GLYATL1B: variants seen among roughly 807,000 people sequenced by gnomAD.
The protein encoded by GLYATL1B is glycine-N-acyltransferase like 1B.
GLYATL1B carries 6 observed loss-of-function variants against 5.5 expected under a neutral mutation model. The ratio of observed to expected loss-of-function variants is 1.09; its 90% CI spans 0.60 to 2.15. GLYATL1B has a LOEUF of 2.15. Ranked by LOEUF, GLYATL1B falls within the 30% of genes most tolerant of loss-of-function variation. The pLI is 0.00. For missense variants in GLYATL1B, 135 were observed against 94.1 expected, an observed-to-expected ratio of 1.43 and a Z score of -1.80; for synonymous variants, 67 against 34.9, an observed-to-expected ratio of 1.92 and a Z score of -3.24.
intron 2 of GLYATL1B, among the ~76,000 whole-genome samples, chr11:59,093,277 T>C (rs2135383605): frequency 6.6e-6 from 1 of 152,340 alleles, no homozygotes; most frequent in East Asian, 1.9e-4. Context: ...ATCCTGTCTT[T>C]GTTATGTATC....
chr11:59,088,610 CA>C (rs1859241826), intron 2 of GLYATL1B, among the ~76,000 whole-genome samples: 1 of 152,200 alleles, frequency 6.6e-6, no homozygotes, highest in East Asian at 1.9e-4. Context: ...CTTTTTACTT[CA>C]GTAACTTTGT....
chr11:59,094,505 A>T lies in GLYATL1B; in HGVS notation c.628A>T (p.Met210Leu). 1.2e-6 allele frequency: 1 copy of T among 806,070 alleles called. No homozygotes were observed. The allele number at this position is 806,070 out of a possible 1,614,324, so 49.9% of individuals were successfully genotyped here. The stretch of plus-strand genomic sequence containing the variant: ...CCTAGGAGCCCTGCCAGCAGCCTGT[A>T]TGCTGGGCCCAGAGGGGGTCCCGGT... Reference protein sequence around the residue: ...RCLGALPAACMLGPEGVPVSW... With the variant: ...RCLGALPAACLLGPEGVPVSW... The change falls in exon 5 of 5, where the codon ATG (methionine) becomes TTG (leucine). Residue 210 changes from methionine (M) to leucine (L), a missense_variant. Physicochemically the swap from Met to Leu is conservative, Grantham distance 15. Coordinates refer to ENST00000527482, the MANE Select transcript of GLYATL1B (RefSeq NM_001355566.1).
In GLYATL1B at chr11:59,093,580, A is replaced by C; in HGVS notation, c.238A>C (p.Lys80Gln). 2.1e-6 allele frequency: 1 copy of C among 487,734 alleles called. No homozygotes were observed. The highest frequency in any genetic ancestry group is 3.7e-6 in the Non-Finnish European group (1 of 267,436). The allele number at this position is 487,734 out of a possible 1,614,324, so 30.2% of individuals were successfully genotyped here. ...SYTNVYRVFS[K>Q]DPQKSQEVLK... Reference sequence around the variant, plus strand: ...CACTAATGTATATCGTGTATTCTCCAAAGACCCTCAAAAATCACAAGAAGT... The same window carrying C: ...CACTAATGTATATCGTGTATTCTCCCAAGACCCTCAAAAATCACAAGAAGT... Residue 80 changes from lysine to glutamine, a missense_variant, in exon 3 of 5, where the codon AAA (lysine) becomes CAA (glutamine). Coordinates refer to ENST00000527482, the MANE Select transcript of GLYATL1B (RefSeq NM_001355566.1).
intron 2 of GLYATL1B, among the ~76,000 whole-genome samples, chr11:59,091,982 G>A (rs1859322224): frequency 6.6e-6 from 1 of 152,082 alleles, no homozygotes; most frequent in Non-Finnish European, 1.5e-5. Context: ...TTTCATTTCC[G>A]ATATTTCTAT....
At chr11:59,090,201 T>A (rs1324165365) in intron 2 of GLYATL1B, among the ~76,000 whole-genome samples, 1 of 152,034 alleles carries the variant, frequency 6.6e-6, no homozygotes, top group Non-Finnish European at 1.5e-5. Context: ...TGTGGCAAAT[T>A]TTAATATCTA....
Position 59,093,598 on chromosome 11 carries a change from C to G in GLYATL1B, c.256C>G (p.Gln86Glu), listed in dbSNP as rs1201208758. The G allele has an allele frequency of 8.2e-6, 4 of 489,724 alleles. No individual in the cohort carries two copies. In the Admixed American group the frequency reaches 1.3e-4, roughly 16 times the overall value. 30.3% of individuals were successfully genotyped at this position (489,724 alleles called of 1,614,324 possible). A position where few individuals can be genotyped will look rare whatever the true frequency, so the allele number is the denominator to read the frequency against. ...RVFSKDPQKS[Q>E]EVLKNSEIIN... ...ATTCTCCAAAGACCCTCAAAAATCA[C>G]AAGAAGTTTTGAAAAATTCTGAGAT... is the stretch of plus-strand genomic sequence containing the variant. The change falls in exon 3 of 5, where the codon CAA becomes GAA. Residue 86 changes from glutamine to glutamate, a missense_variant. Physicochemically the swap from Gln to Glu is conservative, Grantham distance 29. Transcript: ENST00000527482.
At chr11:59,090,596 C>T (rs1859287412) in intron 2 of GLYATL1B, among the ~76,000 whole-genome samples, 3 of 151,254 alleles carry the variant, frequency 2.0e-5, no homozygotes, top group South Asian at 4.2e-4. Flanking sequence ...TTTGTTATTG[C>T]TTTCTATTTA....
chr11:59,092,935 T>C (rs1201724422), intron 2 of GLYATL1B, among the ~76,000 whole-genome samples: 2 of 152,322 alleles, frequency 1.3e-5, no homozygotes, highest in East Asian at 3.9e-4. Flanking sequence ...ACAATATAGA[T>C]TGTAGGTGTC....
chr11:59,094,476 G>A lies in GLYATL1B; in HGVS notation c.599G>A (p.Arg200His), dbSNP rs906928218. Residue 200 changes from arginine to histidine, a missense_variant, in exon 5 of 5, where the codon CGC (arginine) becomes CAC (histidine). Arg to His is a conservative substitution (Grantham distance 29). Coordinates refer to ENST00000527482, the MANE Select transcript of GLYATL1B (RefSeq NM_001355566.1). ...MNKRSLRYIK[R>H]CLGALPAACM... is the part of the protein sequence containing the mutation. ...AAGAGGAGCCTGCGTTACATCAAGC[G>A]CTGCCTAGGAGCCCTGCCAGCAGCC... 30 of 740,948 alleles carry A rather than the reference G, an allele frequency of 4.0e-5. No homozygotes were observed. The highest frequency in any genetic ancestry group is 5.4e-4 in the Middle Eastern group (2 of 3,706). 45.9% of individuals were successfully genotyped at this position (740,948 alleles called of 1,614,324 possible).
chr11:59,091,145 A>G (rs1456975031), intron 2 of GLYATL1B, among the ~76,000 whole-genome samples: 1 of 152,168 alleles, frequency 6.6e-6, no homozygotes, highest in Non-Finnish European at 1.5e-5. Context: ...ATGCTACTGA[A>G]TATTTTATTC....
chr11:59,092,111 A>T (rs1305932060), intron 2 of GLYATL1B, among the ~76,000 whole-genome samples: 1 of 151,956 alleles, frequency 6.6e-6, no homozygotes, highest in African/African-American at 2.4e-5. Flanking sequence ...ATCTTCTATT[A>T]TAAGTCTTTT....
At chr11:59,091,644 G>T (rs1212974536) in intron 2 of GLYATL1B, among the ~76,000 whole-genome samples, 1 of 152,222 alleles carries the variant, frequency 6.6e-6, no homozygotes, top group African/African-American at 2.4e-5. Flanking sequence ...ACTGTGGAAA[G>T]TAGTCTGGAA....
chr11:59,086,559 G>A lies in GLYATL1B; in HGVS notation c.78+175G>A, dbSNP rs371041339. 2.0e-3 allele frequency among the ~76,000 whole-genome samples: 310 copies of A among 152,186 alleles called. 8 individuals are homozygous for A. In the South Asian group the frequency reaches 0.045, roughly 22 times the overall value. On this transcript the variant is annotated intron_variant, in intron 1 of 4. Coordinates refer to ENST00000527482, the MANE Select transcript of GLYATL1B (RefSeq NM_001355566.1). ...AGCTGCTGCTTCTCCTCGGCAACAGGCAACTAGGCCGACTCTGCAGATTTT... is the reference window on the plus strand; with the variant it reads ...AGCTGCTGCTTCTCCTCGGCAACAGACAACTAGGCCGACTCTGCAGATTTT...
At chr11:59,086,513 G>A (rs1859198258) in intron 1 of GLYATL1B, 129 bp downstream of exon 1, 6 of 394,174 alleles carry the variant, frequency 1.5e-5, no homozygotes, top group African/African-American at 2.1e-5. Context: ...ATGGGGTTGG[G>A]GACAAAGGAG....
chr11:59,094,719 G>T lies in GLYATL1B; in HGVS notation c.842G>T (p.Gly281Val). The T allele has an allele frequency of 2.2e-6, 1 of 461,018 alleles. No homozygotes were observed. Among genetic ancestry groups the T allele is most frequent in the Non-Finnish European group, 3.9e-6 (1 of 253,442 alleles). The allele number at this position is 461,018 out of a possible 1,614,324, so 28.6% of individuals were successfully genotyped here. A position where few individuals can be genotyped will look rare whatever the true frequency, so the allele number is the denominator to read the frequency against. ...QGVIRKTSAL[G>V]FLEASCQWHQ... ...GTCATCAGAAAGACTAGTGCACTAG[G>T]TTTCCTTGAGGCCTCCTGTCAGTGG... The change falls in exon 5 of 5, where the codon GGT (glycine) becomes GTT (valine). Residue 281 changes from glycine to valine, a missense_variant. By Grantham distance (109) the Gly-to-Val change is moderately radical. Transcript: ENST00000527482.
At chr11:59,093,019 C>A (rs1033026913) in intron 2 of GLYATL1B, among the ~76,000 whole-genome samples, 2 of 152,176 alleles carry the variant, frequency 1.3e-5, no homozygotes, top group Non-Finnish European at 2.9e-5. Flanking sequence ...AAGAACTTAA[C>A]CCTATCAACA....
intron 2 of GLYATL1B, among the ~76,000 whole-genome samples, chr11:59,092,000 T>C (rs1313834549): frequency 3.9e-5 from 6 of 152,224 alleles, no homozygotes; most frequent in Non-Finnish European, 7.3e-5. Context: ...TATTAGTTCA[T>C]TGAAGTTTTC....
chr11:59,089,184 A>C (rs1270840022), intron 2 of GLYATL1B, among the ~76,000 whole-genome samples: 3 of 152,310 alleles, frequency 2.0e-5, no homozygotes, highest in African/African-American at 7.2e-5. Context: ...TCAATACAGC[A>C]CTAACATATT....
intron 2 of GLYATL1B, among the ~76,000 whole-genome samples, chr11:59,091,361 T>A (rs943579180): frequency 1.3e-5 from 2 of 152,216 alleles, no homozygotes; most frequent in African/African-American, 4.8e-5. Context: ...ACTTTCCTTT[T>A]AGATAAAGGG....
Sources: gnomAD v4.1 joint callset for allele counts (sites outside exome capture counted in the v4.1 genomes callset) on GRCh38, gnomAD v4.1.1 for gene constraint, MANE v1.5 for transcripts, NCBI Gene and HGNC (gene_info 2026-07-23, HGNC 2026-07-21) for gene names.